PMS1: variants seen among roughly 807,000 people sequenced by gnomAD.
PMS1 encodes the protein PMS1 protein homolog 1.
A neutral mutation model predicts 93.1 loss-of-function variants in PMS1; 79 were observed. The observed-to-expected ratio is 0.85, with a 90% confidence interval of 0.71 to 1.02. PMS1 has a LOEUF of 1.02. Among genes scored for constraint, PMS1 ranks in the 50% least tolerant of loss-of-function variants. The pLI is 0.00. For missense variants in PMS1, 1,064 were observed against 1,085.3 expected, an observed-to-expected ratio of 0.98 and a Z score of 0.28; for synonymous variants, 335 against 363.4, an observed-to-expected ratio of 0.92 and a Z score of 0.89.
At chr2:189,828,559 C>G (rs2052649370) in intron 5 of PMS1, among the ~76,000 whole-genome samples, 1 of 152,134 alleles carries the variant, frequency 6.6e-6, no homozygotes. Flanking sequence ...GAAACATTCT[C>G]AGATTTAGCT....
intron 12 of PMS1, 66 bp from the exon 13 acceptor site, chr2:189,877,206 C>A: frequency 7.8e-7 from 1 of 1,285,170 alleles, no homozygotes; most frequent in Non-Finnish European, 1.1e-6. Flanking sequence ...TTCCTTTTTG[C>A]CAGGATAACA....
At chr2:189,867,211 C>G (rs1376603298) in intron 10 of PMS1, among the ~76,000 whole-genome samples, 1 of 152,190 alleles carries the variant, frequency 6.6e-6, no homozygotes, top group African/African-American at 2.4e-5. Flanking sequence ...CTGACCAAGC[C>G]TAAAACCAAT....
At chr2:189,846,948 G>GC (rs900507639) in intron 6 of PMS1, among the ~76,000 whole-genome samples, 1 of 148,324 alleles carries the variant, frequency 6.7e-6, no homozygotes, top group Non-Finnish European at 1.5e-5. Flanking sequence ...TGAAACCTCT[G>GC]CCCCCCGGGT....
intron 2 of PMS1, among the ~76,000 whole-genome samples, chr2:189,792,206 A>G (rs1005781967): frequency 1.3e-5 from 2 of 152,196 alleles, no homozygotes; most frequent in African/African-American, 4.8e-5. Context: ...TTTTCTACAA[A>G]TATTGGTTAT....
In PMS1 at chr2:189,806,348, T is replaced by G. The variant is rs1575084282; in HGVS notation, c.418+594T>G. The G allele has an allele frequency of 1.5e-5, 4 of 272,434 alleles. No individual in the cohort carries two copies. In the East Asian group the frequency reaches 3.0e-4, roughly 21 times the overall value. 16.9% of individuals were successfully genotyped at this position (272,434 alleles called of 1,614,324 possible). On this transcript the variant is annotated intron_variant, in intron 4 of 12. Transcript: ENST00000441310. ...GTAATGTAGTTAGTGTTTTATATAC[T>G]TTTATGTAATATTATTACATTTTAA...
At chr2:189,814,139 T>A (rs761027869) in intron 4 of PMS1, among the ~76,000 whole-genome samples, 45 of 152,112 alleles carry the variant, frequency 3.0e-4, no homozygotes, top group Non-Finnish European at 4.6e-4. Flanking sequence ...TTTACTTTCC[T>A]AAGCCAAAGA....
At chr2:189,820,263 A>C (rs554574908) in intron 5 of PMS1, among the ~76,000 whole-genome samples, 1 of 152,164 alleles carries the variant, frequency 6.6e-6, no homozygotes, top group Admixed American at 6.5e-5. Flanking sequence ...GAAACTTAAC[A>C]TGCCTTCAGA....
chr2:189,795,584 A>G (rs2049281451), intron 2 of PMS1, among the ~76,000 whole-genome samples, 185 bp from the exon 3 acceptor site: 2 of 152,226 alleles, frequency 1.3e-5, no homozygotes, highest in South Asian at 4.1e-4. Flanking sequence ...AGAGAAAACA[A>G]GGGAGTTGCC....
chr2:189,798,768 T>G (rs1207124335), intron 3 of PMS1, among the ~76,000 whole-genome samples: 1 of 151,634 alleles, frequency 6.6e-6, no homozygotes, highest in Non-Finnish European at 1.5e-5. Flanking sequence ...TTTTTTTTTT[T>G]TTTTTTTTTT....
intron 3 of PMS1, among the ~76,000 whole-genome samples, chr2:189,803,759 A>G (rs1213384057): frequency 1.3e-5 from 2 of 152,236 alleles, no homozygotes; most frequent in Admixed American, 6.5e-5. Context: ...TATGAAGTAC[A>G]CTTATGTGTT....
chr2:189,792,263 C>CATCTA (rs2048933080), intron 2 of PMS1, among the ~76,000 whole-genome samples: 1 of 151,694 alleles, frequency 6.6e-6, no homozygotes, highest in African/African-American at 2.4e-5. Context: ...TTATTTTTTC[C>CATCTA]ATCTAATCTA....
At chr2:189,799,235 C>A (rs2049654081) in intron 3 of PMS1, among the ~76,000 whole-genome samples, 1 of 152,152 alleles carries the variant, frequency 6.6e-6, no homozygotes, top group Non-Finnish European at 1.5e-5. Context: ...AAAATGTTTG[C>A]AATGCCAAGC....
chr2:189,832,010 C>A (rs1394797355), intron 5 of PMS1, among the ~76,000 whole-genome samples: 1 of 152,006 alleles, frequency 6.6e-6, no homozygotes, highest in East Asian at 1.9e-4. Context: ...TATTTGTTAC[C>A]CTTAAAACTT....
At position 189,867,839 on chromosome 2, in the gene PMS1, A is replaced by G. The variant is rs1168098100; in HGVS notation, c.2383A>G (p.Met795Val). Reference sequence around the variant, plus strand: ...TCATTATTTAGACGTTTTATATAAAATGACAGCAGATGACCAAAGATACAG... The same window carrying G: ...TCATTATTTAGACGTTTTATATAAAGTGACAGCAGATGACCAAAGATACAG... The part of the protein sequence containing the change: ...GSHYLDVLYK[M>V]TADDQRYSGS... Residue 795 changes from methionine to valine, a missense_variant, in exon 11 of 13, where the codon ATG becomes GTG. Transcript: ENST00000441310. 1.3e-6 allele frequency: 2 copies of G among 1,577,046 alleles called. No homozygotes were observed. The highest frequency in any genetic ancestry group is 2.2e-5 in the East Asian group (1 of 44,608).
intron 3 of PMS1, among the ~76,000 whole-genome samples, chr2:189,804,888 C>T (rs865901846): frequency 6.6e-6 from 1 of 152,068 alleles, no homozygotes. Context: ...CCCCACTCCC[C>T]ACTTTTTTTT....
intron 1 of PMS1, 161 bp from the exon 2 acceptor site, chr2:189,791,628 AG>A: frequency 3.6e-6 from 2 of 552,520 alleles, no homozygotes; most frequent in Non-Finnish European, 6.5e-6. Context: ...AAAAAAAAAA[AG>A]AAGAAATAGA....
chr2:189,796,746 A>G (rs1311585747), intron 3 of PMS1, among the ~76,000 whole-genome samples: 2 of 152,274 alleles, frequency 1.3e-5, no homozygotes, highest in East Asian at 1.9e-4. Context: ...TGTATATACC[A>G]CATTTTGTTT....
At chr2:189,858,574 GA>G (rs1338094467) in intron 9 of PMS1, among the ~76,000 whole-genome samples, 1 of 152,020 alleles carries the variant, frequency 6.6e-6, no homozygotes, top group African/African-American at 2.4e-5. Context: ...TACCATATGT[GA>G]AAATTTGCAC....
intron 9 of PMS1, 111 bp downstream of exon 9, chr2:189,855,239 G>GA: frequency 2.2e-6 from 2 of 901,074 alleles, no homozygotes; most frequent in African/African-American, 1.7e-5. Flanking sequence ...AAGCAGATCA[G>GA]AAAATACCTT....
Sources: gnomAD v4.1 joint callset for allele counts (sites outside exome capture counted in the v4.1 genomes callset) on GRCh38, gnomAD v4.1.1 for gene constraint, MANE v1.5 for transcripts, NCBI Gene and HGNC (gene_info 2026-07-23, HGNC 2026-07-21) for gene names.